The following FBXL2 variants were observed in gnomAD, a reference collection of about 807,000 sequenced individuals.
FBXL2 encodes F-box/LRR-repeat protein 2.
In FBXL2, 38 loss-of-function variants were observed where a neutral mutation model predicts 69.2. The observed-to-expected ratio is 0.55, with a 90% confidence interval of 0.42 to 0.72. The LOEUF (loss-of-function observed/expected upper bound fraction) is 0.72. Among genes scored for constraint, FBXL2 ranks in the 30% least tolerant of loss-of-function variants. The probability of loss-of-function intolerance (pLI) is 0.00; values close to 1 mark genes in which losing one functional copy is unlikely to be tolerated. For missense variants in FBXL2, 354 were observed against 520.3 expected (o/e 0.68, Z 3.11); for synonymous variants, 192 against 201.3 (o/e 0.95, Z 0.39).
At chr3:33,325,941 TAG>T (rs1326354965) in intron 2 of FBXL2, among the ~76,000 whole-genome samples, 2 of 152,166 alleles carry the variant, frequency 1.3e-5, no homozygotes, top group East Asian at 3.9e-4. Context: ...CTTGAAAATA[TAG>T]AGAGTCAAAA....
intron 3 of FBXL2, 44 bp from the exon 4 acceptor site, chr3:33,359,239 T>TTTC: frequency 6.6e-7 from 1 of 1,522,880 alleles, no homozygotes; most frequent in Non-Finnish European, 9.0e-7. Flanking sequence ...AATAAATGTG[T>TTTC]TTCTTTCATC....
At chr3:33,358,068 T>C (rs1171019406) in intron 2 of FBXL2, among the ~76,000 whole-genome samples, 1 of 152,202 alleles carries the variant, frequency 6.6e-6, no homozygotes, top group African/African-American at 2.4e-5. Flanking sequence ...TGAAGAATTT[T>C]GAGGAACATT....
At chr3:33,291,131 GT>G (rs1447544412) in intron 1 of FBXL2, among the ~76,000 whole-genome samples, 1 of 152,036 alleles carries the variant, frequency 6.6e-6, no homozygotes, top group African/African-American at 2.4e-5. Flanking sequence ...GTGTCTTACT[GT>G]GTTACCCAGG....
rs1287598593 is a variant in FBXL2 at position 33,311,303 on chromosome 3, A to T, written c.65+13578A>T. On this transcript the variant is annotated intron_variant, in intron 2 of 14. Transcript: ENST00000484457. ...GAGCTGCTTGTGTGTGAATATTCAT[A>T]TCTATTCCCAGACTTGGGAAGTTTT... is the stretch of plus-strand genomic sequence containing the variant. Among the ~76,000 whole-genome samples, 7 of 152,122 alleles carry T rather than the reference A, an allele frequency of 4.6e-5. 1 individual carries two copies. In the East Asian group the frequency reaches 7.7e-4, roughly 17 times the overall value.
the FBXL2 span, chr3:33,414,306 A>G: frequency 6.6e-6 from 1 of 152,250 alleles, no homozygotes; most frequent in Admixed American, 6.5e-5. Context: ...GGAGAGAGGA[A>G]AGGAACTTCT....
chr3:33,341,280 A>G (rs191081219), intron 2 of FBXL2, among the ~76,000 whole-genome samples: 1 of 152,336 alleles, frequency 6.6e-6, no homozygotes, highest in East Asian at 1.9e-4. Context: ...ACATGGGTAC[A>G]ATTAATAAAA....
At chr3:33,360,441 C>A (rs2041530078) in intron 4 of FBXL2, among the ~76,000 whole-genome samples, 1 of 152,114 alleles carries the variant, frequency 6.6e-6, no homozygotes, top group Non-Finnish European at 1.5e-5. Context: ...TGGGGCAGAG[C>A]AGAAGATTTC....
the FBXL2 span, among the ~76,000 whole-genome samples, chr3:33,412,102 A>T: frequency 1.3e-5 from 2 of 149,904 alleles, no homozygotes; most frequent in Non-Finnish European, 3.0e-5. Flanking sequence ...CACAAGAATC[A>T]CTTGAACCCA....
downstream of FBXL2, among the ~76,000 whole-genome samples, chr3:33,405,188 A>G (rs1036410044): frequency 1.3e-5 from 2 of 152,170 alleles, no homozygotes; most frequent in Non-Finnish European, 2.9e-5. Context: ...AATAAATAAG[A>G]AAAAAATTTT....
intron 1 of FBXL2, chr3:33,278,252 G>C (rs1392427971): frequency 6.6e-6 from 1 of 152,172 alleles, no homozygotes; most frequent in Non-Finnish European, 1.5e-5. Flanking sequence ...TTCACTCGGC[G>C]GAGGTGCTGG....
chr3:33,317,786 T>C (rs908207295), intron 2 of FBXL2, among the ~76,000 whole-genome samples: 20 of 152,170 alleles, frequency 1.3e-4, no homozygotes, highest in African/African-American at 4.8e-4. Context: ...CTGGGGACTG[T>C]ACATGTTGAA....
At chr3:33,368,712 G>A (rs950453839) in intron 5 of FBXL2, among the ~76,000 whole-genome samples, 2 of 151,612 alleles carry the variant, frequency 1.3e-5, no homozygotes, top group Admixed American at 6.6e-5. Context: ...TCAGCCTTCC[G>A]AGTAGCTGGG....
At chr3:33,308,559 C>CA (rs1173440617) in intron 2 of FBXL2, among the ~76,000 whole-genome samples, 2 of 152,170 alleles carry the variant, frequency 1.3e-5, no homozygotes, top group East Asian at 3.9e-4. Context: ...TGTAAGTACT[C>CA]ATTTGCTTTA....
chr3:33,416,729 C>A, the FBXL2 span: 1 of 1,514,608 alleles, frequency 6.6e-7, no homozygotes, highest in Non-Finnish European at 9.1e-7. Context: ...CAGCAATATC[C>A]ATTGGGAATT....
the FBXL2 span, chr3:33,408,707 G>A: frequency 6.2e-7 from 1 of 1,613,634 alleles, no homozygotes; most frequent in South Asian, 1.1e-5. Flanking sequence ...CGCTTTGCCA[G>A]AGAATCACCG....
At chr3:33,365,382 T>A in intron 5 of FBXL2, among the ~76,000 whole-genome samples, 1 of 151,584 alleles carries the variant, frequency 6.6e-6, no homozygotes, top group Admixed American at 6.6e-5. Flanking sequence ...CAGGTTCAAG[T>A]GATTCTCCTG....
chr3:33,378,881 G>T lies in FBXL2; in HGVS notation c.951+140G>T, dbSNP rs1286942455. The T allele has an allele frequency of 4.1e-6, 6 of 1,470,924 alleles. 1 individual carries two copies. In the Admixed American group the frequency reaches 7.2e-5, roughly 18 times the overall value. The allele number at this position is 1,470,924 out of a possible 1,614,324, so 91.1% of individuals were successfully genotyped here. ...AAAATCTATTAATTGGGCTAACTTGGGAGGCAAGGTATCTAAATATTTGAT... is the reference window on the plus strand; with the variant it reads ...AAAATCTATTAATTGGGCTAACTTGTGAGGCAAGGTATCTAAATATTTGAT... On this transcript the variant is annotated intron_variant, in intron 13 of 14. Transcript: ENST00000484457.
At chr3:33,335,779 A>G (rs552492756) in intron 2 of FBXL2, among the ~76,000 whole-genome samples, 52 of 152,340 alleles carry the variant, frequency 3.4e-4, no homozygotes, top group South Asian at 8.3e-4. Flanking sequence ...TTTGAACCAT[A>G]TTCATGATTA....
chr3:33,368,286 AAAG>A (rs1442711411), intron 5 of FBXL2, among the ~76,000 whole-genome samples: 2 of 152,228 alleles, frequency 1.3e-5, no homozygotes, highest in Non-Finnish European at 2.9e-5. Context: ...TCAACTAATA[AAAG>A]GAGTATTGAA....
Sources: allele counts gnomAD v4.1 joint callset (sites outside exome capture counted in the v4.1 genomes callset), GRCh38; gene constraint gnomAD v4.1.1; transcripts MANE v1.5; gene names NCBI Gene and HGNC (gene_info 2026-07-23, HGNC 2026-07-21).